Variants in GIPC2 observed in about 807,000 individuals in gnomAD.
GIPC2 encodes GIPC PDZ domain containing family member 2, also known as PDZ domain-containing protein GIPC2.
GIPC2 carries 30 observed loss-of-function variants against 30.6 expected under a neutral mutation model. The observed-to-expected ratio is 0.98, with a 90% confidence interval of 0.73 to 1.33. The LOEUF is 1.33. Among genes scored for constraint, GIPC2 ranks in the 40% most tolerant of loss-of-function variants. The pLI is 0.00. For synonymous variants in GIPC2, 167 were observed against 150.0 expected (o/e 1.11, Z -0.83); for missense variants, 414 against 390.3 (o/e 1.06, Z -0.51).
chr1:78,054,802 G>A (rs1661256590), intron 1 of GIPC2, among the ~76,000 whole-genome samples: 1 of 152,150 alleles, frequency 6.6e-6, no homozygotes, highest in Non-Finnish European at 1.5e-5. Context: ...AAATGGATAA[G>A]ACTGCTGTTG....
At chr1:78,125,851 A>G in intron 4 of GIPC2, 30 bp from the exon 5 acceptor site, 1 of 1,204,518 alleles carries the variant, frequency 8.3e-7, no homozygotes, top group Non-Finnish European at 1.2e-6. Context: ...TTTGTTGTAT[A>G]ATATCTTATT....
chr1:78,100,234 C>G (rs562649389), intron 3 of GIPC2, among the ~76,000 whole-genome samples: 1 of 152,246 alleles, frequency 6.6e-6, no homozygotes, highest in Non-Finnish European at 1.5e-5. Context: ...GTGCTGGAGC[C>G]ATTTGTACAC....
At chr1:78,050,743 T>G (rs1449332090) in intron 1 of GIPC2, among the ~76,000 whole-genome samples, 1 of 152,060 alleles carries the variant, frequency 6.6e-6, no homozygotes, top group Non-Finnish European at 1.5e-5. Flanking sequence ...CATGCCATTG[T>G]CCTGCCTCAA....
In GIPC2 at chr1:78,080,578, A is replaced by T. The variant is rs1030985209; in HGVS notation, c.241-97A>T. 16 of 682,262 alleles carry T rather than the reference A, an allele frequency of 2.3e-5. No individual in the cohort carries two copies. In the African/African-American group the frequency reaches 2.8e-4, roughly 12 times the overall value. 42.3% of individuals were successfully genotyped at this position (682,262 alleles called of 1,614,324 possible). ...TATGATGTAACTCTTTACATCATAAATTGAGGAGTATTTCAGTCAATAAAT... is the reference window on the plus strand; with the variant it reads ...TATGATGTAACTCTTTACATCATAATTTGAGGAGTATTTCAGTCAATAAAT... On this transcript the variant is annotated intron_variant, in intron 1 of 5. Coordinates refer to ENST00000370759, the MANE Select transcript of GIPC2 (RefSeq NM_017655.6).
chr1:78,104,761 G>A (rs550165250), intron 3 of GIPC2, among the ~76,000 whole-genome samples: 3 of 152,154 alleles, frequency 2.0e-5, no homozygotes, highest in Admixed American at 6.5e-5. Context: ...TGATGCAGTT[G>A]GGATGTAGAA....
chr1:78,127,312 T>G (rs986705966), intron 5 of GIPC2, among the ~76,000 whole-genome samples: 1 of 152,192 alleles, frequency 6.6e-6, no homozygotes, highest in Non-Finnish European at 1.5e-5. Context: ...CACCTCAAAA[T>G]GAGTGCTCTG....
intron 1 of GIPC2, among the ~76,000 whole-genome samples, chr1:78,078,426 C>T (rs1460208883): frequency 1.3e-5 from 2 of 152,146 alleles, no homozygotes; most frequent in Non-Finnish European, 2.9e-5. Context: ...CTATCACATT[C>T]CTACAGGTTT....
chr1:78,093,712 A>G (rs894949932), intron 2 of GIPC2, among the ~76,000 whole-genome samples: 2 of 152,172 alleles, frequency 1.3e-5, no homozygotes, highest in East Asian at 3.9e-4. Context: ...TCCACCTAGC[A>G]AGGGTAAAGA....
intron 1 of GIPC2, among the ~76,000 whole-genome samples, chr1:78,061,892 C>T (rs565306951): frequency 6.6e-6 from 1 of 152,346 alleles, no homozygotes; most frequent in Admixed American, 6.5e-5. Flanking sequence ...GCTGAGATTA[C>T]AGGCATGAGC....
intron 1 of GIPC2, among the ~76,000 whole-genome samples, chr1:78,077,495 C>A (rs1661737321): frequency 6.6e-6 from 1 of 151,992 alleles, no homozygotes; most frequent in Non-Finnish European, 1.5e-5. Context: ...TACAGATTAC[C>A]CCAGAAGGTG....
chr1:78,060,787 C>T (rs1365136864), intron 1 of GIPC2, among the ~76,000 whole-genome samples: 3 of 151,404 alleles, frequency 2.0e-5, no homozygotes, highest in Admixed American at 2.0e-4. Context: ...CTTTACTGTC[C>T]TTCCAGAAAA....
chr1:78,064,914 T>C (rs1308777964), intron 1 of GIPC2, among the ~76,000 whole-genome samples: 1 of 152,006 alleles, frequency 6.6e-6, no homozygotes, highest in Non-Finnish European at 1.5e-5. Flanking sequence ...TGGCTAACTT[T>C]TTTGTATTTT....
intron 3 of GIPC2, among the ~76,000 whole-genome samples, chr1:78,104,576 G>A (rs984572499): frequency 1.5e-4 from 23 of 152,162 alleles, no homozygotes; most frequent in African/African-American, 4.1e-4. Flanking sequence ...AGGGGCAGCA[G>A]TGGGAATTCA....
chr1:78,095,941 G>A (rs1251367491), intron 3 of GIPC2, among the ~76,000 whole-genome samples: 1 of 152,076 alleles, frequency 6.6e-6, no homozygotes, highest in Admixed American at 6.5e-5. Flanking sequence ...ATTTTCTCAG[G>A]GCAGTTATTG....
At chr1:78,052,748 T>A (rs1001070) in intron 1 of GIPC2, among the ~76,000 whole-genome samples, 138,310 of 152,240 alleles carry the variant, frequency 0.91, 63,019 homozygotes, top group African/African-American at 0.95. Context: ...TTTGCAAGCA[T>A]AGTCACTTCC....
chr1:78,085,189 ATGT>A (rs1661904550), intron 2 of GIPC2, among the ~76,000 whole-genome samples: 1 of 152,152 alleles, frequency 6.6e-6, no homozygotes, highest in Non-Finnish European at 1.5e-5. Context: ...TGAGATAATC[ATGT>A]TGTTTTTGTC....
chr1:78,109,152 T>C (rs1363665055), intron 3 of GIPC2, among the ~76,000 whole-genome samples: 1 of 152,226 alleles, frequency 6.6e-6, no homozygotes, highest in Non-Finnish European at 1.5e-5. Context: ...TTCTTATTCA[T>C]GCAGAGCAGA....
intron 1 of GIPC2, among the ~76,000 whole-genome samples, chr1:78,060,891 C>G (rs185345350): frequency 3.5e-5 from 5 of 141,244 alleles, no homozygotes; most frequent in Admixed American, 3.5e-4. Flanking sequence ...TATCCCCCCA[C>G]TTTATCTTCT....
At chr1:78,055,918 A>C (rs780785168) in intron 1 of GIPC2, among the ~76,000 whole-genome samples, 1 of 152,076 alleles carries the variant, frequency 6.6e-6, no homozygotes, top group Non-Finnish European at 1.5e-5. Context: ...TAGAAAACGA[A>C]AGTATTTTCC....
Sources: gnomAD v4.1 joint callset for allele counts (sites outside exome capture counted in the v4.1 genomes callset) on GRCh38, gnomAD v4.1.1 for gene constraint, MANE v1.5 for transcripts, NCBI Gene and HGNC (gene_info 2026-07-23, HGNC 2026-07-21) for gene names.